MDH1B: variants seen among roughly 807,000 people sequenced by gnomAD.
MDH1B encodes the protein malate dehydrogenase 1B.
In MDH1B, 60 loss-of-function variants were observed where a neutral mutation model predicts 61.4. The ratio of observed to expected loss-of-function variants is 0.98; its 90% confidence interval spans 0.79 to 1.21. The LOEUF (loss-of-function observed/expected upper bound fraction) is 1.21, where lower values mean the gene tolerates loss of function less well. Ranked by LOEUF, MDH1B falls within the 50% of genes most tolerant of loss-of-function variation. The pLI is 0.00. For missense variants in MDH1B, 587 were observed against 632.1 expected, an observed-to-expected ratio of 0.93 and a Z score of 0.76; for synonymous variants, 236 against 218.7, an observed-to-expected ratio of 1.08 and a Z score of -0.70.
intron 7 of MDH1B, 128 bp from the exon 8 acceptor site, chr2:206,746,554 C>A: frequency 9.5e-7 from 1 of 1,048,138 alleles, no homozygotes. Flanking sequence ...AATTAAATTT[C>A]TCGGAATTCT....
intron 1 of MDH1B, among the ~76,000 whole-genome samples, chr2:206,761,563 C>T (rs4675638): frequency 0.35 from 52,946 of 151,862 alleles, 10,812 homozygotes; most frequent in East Asian, 0.75. Flanking sequence ...GTTGGAGATA[C>T]TTGTAGTGTG....
intron 10 of MDH1B, 123 bp downstream of exon 10, chr2:206,740,930 GA>G: frequency 7.5e-7 from 1 of 1,334,156 alleles, no homozygotes; most frequent in Non-Finnish European, 1.0e-6. Context: ...TGAAGCATAT[GA>G]AAAGAAGCAG....
chr2:206,752,599 A>G (rs1207418212), intron 5 of MDH1B, among the ~76,000 whole-genome samples: 2 of 152,134 alleles, frequency 1.3e-5, no homozygotes, highest in Middle Eastern at 3.2e-3. Context: ...CACATGGGGA[A>G]AATAATTCTT....
chr2:206,757,042 T>G lies in MDH1B; in HGVS notation c.271-2A>C. 6 of 1,611,850 alleles carry G rather than the reference T, an allele frequency of 3.7e-6. No homozygotes were observed. Among genetic ancestry groups the G allele is most frequent in the Non-Finnish European group, 5.1e-6 (6 of 1,178,850 alleles). On this transcript the variant is annotated splice_acceptor_variant, in intron 3 of 11. Transcript: ENST00000374412. LOFTEE classifies it high-confidence loss of function. The stretch of plus-strand genomic sequence containing the variant: ...GCTAGAGGTGACATCATAGTAAAGC[T>G]AAATATTGGGAGAGAAAAAGTCAAT...
intron 5 of MDH1B, among the ~76,000 whole-genome samples, chr2:206,754,458 T>G (rs893572274): frequency 6.6e-6 from 1 of 152,226 alleles, no homozygotes; most frequent in African/African-American, 2.4e-5. Flanking sequence ...GATATCATAA[T>G]CCTATTGATA....
chr2:206,762,052 T>C (rs1366247124), intron 1 of MDH1B, among the ~76,000 whole-genome samples: 1 of 152,150 alleles, frequency 6.6e-6, no homozygotes, highest in Non-Finnish European at 1.5e-5. Flanking sequence ...TACAGAAACA[T>C]TGTAGAACCA....
intron 11 of MDH1B, among the ~76,000 whole-genome samples, chr2:206,738,969 T>C (rs997442107): frequency 6.6e-6 from 1 of 152,250 alleles, no homozygotes; most frequent in South Asian, 2.1e-4. Context: ...GTGAATATCC[T>C]GATTGGTCAA....
At position 206,750,929 on chromosome 2, in the gene MDH1B, T is replaced by C. The variant is rs1237728114; in HGVS notation, c.1052+5A>G. ...CAGTATGCTTCACTTCAAAATATAC[T>C]GTACCTGTCAAAAATCAAGTTTAAA... On this transcript the variant is annotated splice_donor_5th_base_variant and intron_variant, in intron 6 of 11. Transcript: ENST00000374412. 2.5e-6 allele frequency: 4 copies of C among 1,600,580 alleles called. No individual in the cohort carries two copies. The highest frequency in any genetic ancestry group is 3.4e-6 in the Non-Finnish European group (4 of 1,174,414).
intron 9 of MDH1B, among the ~76,000 whole-genome samples, chr2:206,744,080 G>A (rs1687956874): frequency 6.6e-6 from 1 of 152,164 alleles, no homozygotes; most frequent in African/African-American, 2.4e-5. Context: ...GTATCTCTCA[G>A]CTCCATCTCT....
chr2:206,745,730 CTT>C (rs140066038), intron 8 of MDH1B, 57 bp from the exon 9 acceptor site: 22,248 of 732,426 alleles, frequency 0.03, no homozygotes, highest in Middle Eastern at 0.04. Flanking sequence ...CTTAATTCTT[CTT>C]TTTTTTTTTT....
intron 4 of MDH1B, 36 bp downstream of exon 4, chr2:206,756,862 G>C (rs759927003): frequency 6.2e-7 from 1 of 1,605,426 alleles, no homozygotes; most frequent in Non-Finnish European, 8.5e-7. Context: ...AATATAAAAA[G>C]TAAATCTCAT....
At chr2:206,738,644 T>A in intron 11 of MDH1B, 133 bp from the exon 12 acceptor site, 1 of 562,102 alleles carries the variant, frequency 1.8e-6, no homozygotes, top group Non-Finnish European at 3.1e-6. Flanking sequence ...TGTGTGAGAG[T>A]GATTCTATGG....
intron 1 of MDH1B, among the ~76,000 whole-genome samples, chr2:206,764,943 T>C (rs544242911): frequency 1.3e-5 from 2 of 152,250 alleles, no homozygotes; most frequent in African/African-American, 4.8e-5. Flanking sequence ...AAACCCAGAT[T>C]AGGAGTCTAC....
chr2:206,757,066 A>G (rs764324183), intron 3 of MDH1B, 26 bp from the exon 4 acceptor site: 4 of 1,603,382 alleles, frequency 2.5e-6, no homozygotes, highest in Non-Finnish European at 3.4e-6. Flanking sequence ...GAAAAAGTCA[A>G]TATCAGAGAA....
Position 206,757,338 on chromosome 2 carries a change from A to G in MDH1B, c.169T>C (p.Trp57Arg). ...WLKDVCEKNKWSHKNSPIIWR... is the reference protein window; with the variant it reads ...WLKDVCEKNKRSHKNSPIIWR... Reference sequence around the variant, plus strand: ...ATGATAGGGGAATTCTTGTGACTCCACTTATTCTTTTCACACACATCTTTT... The same window carrying G: ...ATGATAGGGGAATTCTTGTGACTCCGCTTATTCTTTTCACACACATCTTTT... The change falls in exon 3 of 12, where the codon TGG (tryptophan) becomes CGG (arginine). Residue 57 changes from tryptophan to arginine, a missense_variant. By Grantham distance (101) the Trp-to-Arg change is moderately radical. Coordinates refer to ENST00000374412, the MANE Select transcript of MDH1B (RefSeq NM_001039845.3). 4 of 1,613,876 alleles carry G rather than the reference A, an allele frequency of 2.5e-6. No homozygotes were observed. The highest frequency in any genetic ancestry group is 3.4e-6 in the Non-Finnish European group (4 of 1,179,924).
Position 206,757,227 on chromosome 2 carries a change from AC to A in MDH1B, c.270+9del. On this transcript the variant is annotated intron_variant, in intron 3 of 11. Coordinates refer to ENST00000374412, the MANE Select transcript of MDH1B (RefSeq NM_001039845.3). Reference sequence around the variant, plus strand: ...TATCATTATTAGAACAGATAAGTTAACTTATATACCTGAGCATGCTCCAGGA... The same window carrying A: ...TATCATTATTAGAACAGATAAGTTAATTATATACCTGAGCATGCTCCAGGA... 1 of 1,604,848 alleles carries A rather than the reference AC, an allele frequency of 6.2e-7. No homozygotes were observed. The highest frequency in any genetic ancestry group is 8.5e-7 in the Non-Finnish European group (1 of 1,177,058).
At chr2:206,751,504 A>T (rs1017792788) in intron 5 of MDH1B, among the ~76,000 whole-genome samples, 6 of 152,182 alleles carry the variant, frequency 3.9e-5, no homozygotes, top group African/African-American at 1.4e-4. Context: ...CTAGACTAGA[A>T]TAGAAATTAG....
chr2:206,761,642 G>A (rs1383668319), intron 1 of MDH1B, among the ~76,000 whole-genome samples: 3 of 152,078 alleles, frequency 2.0e-5, no homozygotes, highest in Non-Finnish European at 4.4e-5. Flanking sequence ...ATATGTATAT[G>A]TATACATATA....
At chr2:206,742,927 G>A (rs12476850) in intron 9 of MDH1B, among the ~76,000 whole-genome samples, 4,473 of 152,096 alleles carry the variant, frequency 0.029, 91 homozygotes, top group Non-Finnish European at 0.047. Flanking sequence ...ATGTTAGCCA[G>A]GATGGTCTCG....
Sources: allele counts gnomAD v4.1 joint callset (sites outside exome capture counted in the v4.1 genomes callset), GRCh38; gene constraint gnomAD v4.1.1; transcripts MANE v1.5; gene names NCBI Gene and HGNC (gene_info 2026-07-23, HGNC 2026-07-21).